The following RASAL2 variants were observed in gnomAD, a reference collection of about 807,000 sequenced individuals.
RASAL2 encodes the protein RAS protein activator like 2, also known as ras GTPase-activating protein nGAP.
In RASAL2, 58 loss-of-function variants were observed where a neutral mutation model predicts 128.9. That is an observed-to-expected ratio of 0.45 (90% CI 0.36 to 0.56). The LOEUF (loss-of-function observed/expected upper bound fraction) is 0.56, where lower values mean the gene tolerates loss of function less well. Ranked by LOEUF, RASAL2 falls within the 20% of genes least tolerant of loss-of-function variation. RASAL2 has a pLI of 0.00. For synonymous variants in RASAL2, 561 were observed against 580.8 expected (o/e 0.97, Z 0.49); for missense variants, 1,360 against 1,601.6 (o/e 0.85, Z 2.57).
intron 1 of RASAL2, among the ~76,000 whole-genome samples, chr1:178,269,732 A>G (rs1176130172): frequency 1.3e-5 from 2 of 152,216 alleles, no homozygotes; most frequent in African/African-American, 4.8e-5. Context: ...TGTTTAGCAT[A>G]TTATCAAGAA....
intron 1 of RASAL2, among the ~76,000 whole-genome samples, chr1:178,253,016 A>G (rs953084305): frequency 6.6e-6 from 1 of 152,214 alleles, no homozygotes; most frequent in South Asian, 2.1e-4. Flanking sequence ...TTAAAGCAAT[A>G]GAAATTTATT....
intron 13 of RASAL2, 107 bp from the exon 14 acceptor site, chr1:178,457,576 C>A: frequency 9.0e-7 from 1 of 1,112,004 alleles, no homozygotes; most frequent in Non-Finnish European, 1.3e-6. Context: ...AAGAAATGTA[C>A]GTATCCACAT....
chr1:178,196,627 A>T (rs1027785725), intron 1 of RASAL2, among the ~76,000 whole-genome samples: 5 of 152,248 alleles, frequency 3.3e-5, no homozygotes, highest in African/African-American at 1.2e-4. Context: ...GATTTAAAGT[A>T]TACAAGAGGA....
At chr1:178,152,832 A>G (rs770600942) in intron 1 of RASAL2, among the ~76,000 whole-genome samples, 2 of 152,208 alleles carry the variant, frequency 1.3e-5, no homozygotes, top group Non-Finnish European at 2.9e-5. Context: ...TTTACTTTCC[A>G]GTCACACCCT....
At chr1:178,178,381 T>G (rs1661964111) in intron 1 of RASAL2, among the ~76,000 whole-genome samples, 2 of 152,108 alleles carry the variant, frequency 1.3e-5, no homozygotes, top group Admixed American at 6.5e-5. Flanking sequence ...CATTACTTAG[T>G]GAAGGGAGGA....
chr1:178,299,274 G>T (rs1418866642), intron 2 of RASAL2, among the ~76,000 whole-genome samples: 1 of 152,148 alleles, frequency 6.6e-6, no homozygotes, highest in Admixed American at 6.5e-5. Flanking sequence ...AATATTTTAA[G>T]ATAATTTTGA....
chr1:178,229,378 T>G (rs958551037), intron 1 of RASAL2, among the ~76,000 whole-genome samples: 2 of 152,218 alleles, frequency 1.3e-5, no homozygotes, highest in Admixed American at 1.3e-4. Flanking sequence ...TTGCTTTAAA[T>G]TGTCTGTCAT....
chr1:178,347,969 G>T (rs768522809), intron 3 of RASAL2, among the ~76,000 whole-genome samples: 15 of 152,222 alleles, frequency 9.9e-5, no homozygotes, highest in Non-Finnish European at 1.8e-4. Context: ...ATACAGCAAT[G>T]AAAAAGAACA....
intron 1 of RASAL2, among the ~76,000 whole-genome samples, chr1:178,138,382 T>C (rs1018080338): frequency 1.3e-5 from 2 of 152,202 alleles, no homozygotes; most frequent in African/African-American, 4.8e-5. Context: ...CACATATTAA[T>C]ATATCTCAAA....
At chr1:178,296,664 C>T (rs1322477020) in intron 2 of RASAL2, among the ~76,000 whole-genome samples, 14 of 145,890 alleles carry the variant, frequency 9.6e-5, no homozygotes, top group Non-Finnish European at 2.0e-4. Flanking sequence ...TGCACCTGGC[C>T]TTGATTTTTT....
chr1:178,199,777 C>G (rs1221815624), intron 1 of RASAL2, among the ~76,000 whole-genome samples: 1 of 151,940 alleles, frequency 6.6e-6, no homozygotes, highest in Non-Finnish European at 1.5e-5. Context: ...AAGTATTGTT[C>G]CCAGGTCTAT....
At chr1:178,321,742 A>G (rs1187676703) in intron 3 of RASAL2, among the ~76,000 whole-genome samples, 1 of 151,886 alleles carries the variant, frequency 6.6e-6, no homozygotes, top group Non-Finnish European at 1.5e-5. Context: ...TAATCCCAGC[A>G]CTTTGGGAGG....
intron 3 of RASAL2, among the ~76,000 whole-genome samples, chr1:178,344,456 C>A (rs1670042606): frequency 6.6e-6 from 1 of 152,162 alleles, no homozygotes; most frequent in Non-Finnish European, 1.5e-5. Context: ...CAAATTAATT[C>A]TTTACTCATG....
At chr1:178,412,206 T>G (rs1240217662) in intron 4 of RASAL2, among the ~76,000 whole-genome samples, 1 of 152,122 alleles carries the variant, frequency 6.6e-6, no homozygotes, top group Non-Finnish European at 1.5e-5. Flanking sequence ...AGCTAGGGGC[T>G]AAAGTTCTTA....
intron 3 of RASAL2, among the ~76,000 whole-genome samples, chr1:178,339,488 C>G (rs1669757500): frequency 1.3e-5 from 2 of 152,248 alleles, no homozygotes; most frequent in East Asian, 3.9e-4. Flanking sequence ...TAGCCATGAG[C>G]TCAAGCTAGA....
chr1:178,146,917 A>G (rs910065177), intron 1 of RASAL2, among the ~76,000 whole-genome samples: 3 of 152,246 alleles, frequency 2.0e-5, no homozygotes, highest in Non-Finnish European at 2.9e-5. Flanking sequence ...AGATGTCTAT[A>G]TAAAGGGTTG....
rs572961666 is a variant in RASAL2, at chr1:178,375,811, A to G, written c.458-14289A>G. Among the ~76,000 whole-genome samples, 321 of 152,272 alleles carry G rather than the reference A, an allele frequency of 2.1e-3. 3 individuals carry two copies. Among genetic ancestry groups the G allele is most frequent in the African/African-American group, 7.2e-3 (300 of 41,564 alleles). On this transcript the variant is annotated intron_variant, in intron 3 of 17. Coordinates refer to ENST00000367649, the MANE Select transcript of RASAL2 (RefSeq NM_170692.4). ...AGAAATAAATTGAGAAAGGGAGCCAATTTTTTAGGAAGATGGGAGTTCTGT... is the reference window on the plus strand; with the variant it reads ...AGAAATAAATTGAGAAAGGGAGCCAGTTTTTTAGGAAGATGGGAGTTCTGT...
At chr1:178,191,669 C>T (rs916806620) in intron 1 of RASAL2, among the ~76,000 whole-genome samples, 1 of 152,336 alleles carries the variant, frequency 6.6e-6, no homozygotes, top group African/African-American at 2.4e-5. Context: ...CCCAAGCTGA[C>T]TTGGGTAATT....
At chr1:178,219,632 GAAA>G (rs34519020) in intron 1 of RASAL2, among the ~76,000 whole-genome samples, 3 of 108,662 alleles carry the variant, frequency 2.8e-5, no homozygotes, top group African/African-American at 6.9e-5. Flanking sequence ...TCTGCCTCAG[GAAA>G]AAAAAAAAAA....
Sources: gnomAD v4.1 joint callset for allele counts (sites outside exome capture counted in the v4.1 genomes callset) on GRCh38, gnomAD v4.1.1 for gene constraint, MANE v1.5 for transcripts, NCBI Gene and HGNC (gene_info 2026-07-23, HGNC 2026-07-21) for gene names.